Variants in PLCH1 observed in about 807,000 individuals in gnomAD.
PLCH1 encodes the protein 1-phosphatidylinositol 4,5-bisphosphate phosphodiesterase eta-1.
Under a neutral mutation model 126.7 loss-of-function variants are expected in PLCH1, and 60 were observed. The observed-to-expected ratio is 0.47, with a 90% CI of 0.38 to 0.59. PLCH1 has a LOEUF of 0.59. PLCH1 is among the 20% of genes least tolerant of loss of function. The pLI is 0.00. For missense variants in PLCH1, 1,723 were observed against 2,040.0 expected, an observed-to-expected ratio of 0.84 and a Z score of 2.99; for synonymous variants, 719 against 734.9, an observed-to-expected ratio of 0.98 and a Z score of 0.35.
rs143619991 is a variant in PLCH1 at position 155,559,386 on chromosome 3, C to T, written c.1070-5190G>A. On this transcript the variant is annotated intron_variant, in intron 8 of 22. Coordinates refer to ENST00000460012, the MANE Select transcript of PLCH1 (RefSeq NM_014996.4). ...AGGTCCTCTTTTCCTTCCTACAATACATTCAAATCCAAGGTGACAACCACT... is the reference window on the plus strand; with the variant it reads ...AGGTCCTCTTTTCCTTCCTACAATATATTCAAATCCAAGGTGACAACCACT... Among the ~76,000 whole-genome samples, 776 of 152,182 alleles carry T rather than the reference C, an allele frequency of 5.1e-3. 9 individuals are homozygous for T. The highest frequency in any genetic ancestry group is 0.018 in the African/African-American group (741 of 41,526).
At chr3:155,630,594 C>A (rs752332644) in intron 2 of PLCH1, among the ~76,000 whole-genome samples, 3 of 152,194 alleles carry the variant, frequency 2.0e-5, no homozygotes, top group Admixed American at 6.5e-5. Flanking sequence ...CTTCCTTTGG[C>A]ATATACCGTC....
intron 1 of PLCH1, among the ~76,000 whole-genome samples, chr3:155,735,765 A>G (rs1371728038): frequency 6.6e-6 from 1 of 152,226 alleles, no homozygotes; most frequent in East Asian, 1.9e-4. Flanking sequence ...TACATATTTC[A>G]AAACATGTAT....
At chr3:155,485,329 T>G (rs772093034) in intron 22 of PLCH1, 27 bp downstream of exon 22, 9 of 1,472,038 alleles carry the variant, frequency 6.1e-6, no homozygotes, top group African/African-American at 1.4e-5. Flanking sequence ...GAAGGGTTTA[T>G]TCTCAGAGAA....
At chr3:155,476,006 A>G (rs548235498), downstream of PLCH1, among the ~76,000 whole-genome samples, 40 of 152,230 alleles carry the variant, frequency 2.6e-4, no homozygotes, top group African/African-American at 9.1e-4. Flanking sequence ...AAAAAGACAC[A>G]AAAAAAGAAA....
intron 2 of PLCH1, among the ~76,000 whole-genome samples, chr3:155,617,101 T>C (rs1560253868): frequency 6.6e-6 from 1 of 152,188 alleles, no homozygotes; most frequent in Non-Finnish European, 1.5e-5. Context: ...ATTCTGTCAA[T>C]ATATTATCAG....
chr3:155,521,604 G>T (rs2108282007), intron 11 of PLCH1, among the ~76,000 whole-genome samples: 1 of 152,246 alleles, frequency 6.6e-6, no homozygotes, highest in East Asian at 1.9e-4. Flanking sequence ...ACCCTCTTTT[G>T]CAGAAATATG....
At chr3:155,722,947 G>A (rs942396050) in intron 1 of PLCH1, among the ~76,000 whole-genome samples, 1 of 152,100 alleles carries the variant, frequency 6.6e-6, no homozygotes, top group African/African-American at 2.4e-5. Context: ...AATCCATCTG[G>A]TCCTGGACTT....
At chr3:155,698,465 T>C (rs1745997462) in intron 2 of PLCH1, among the ~76,000 whole-genome samples, 1 of 152,198 alleles carries the variant, frequency 6.6e-6, no homozygotes, top group African/African-American at 2.4e-5. Flanking sequence ...CCTGAATGGA[T>C]GGCTATGATT....
chr3:155,496,171 A>T (rs1717001691), intron 15 of PLCH1, among the ~76,000 whole-genome samples: 1 of 152,224 alleles, frequency 6.6e-6, no homozygotes, highest in African/African-American at 2.4e-5. Flanking sequence ...TGGCAAAAAA[A>T]TTAAAAAGAC....
intron 6 of PLCH1, among the ~76,000 whole-genome samples, chr3:155,572,968 G>A (rs771645370): frequency 6.4e-4 from 97 of 151,568 alleles, no homozygotes; most frequent in Admixed American, 3.3e-4. Context: ...GGCTGGTCTC[G>A]AACTCCTGGC....
intron 2 of PLCH1, chr3:155,676,141 A>T (rs1414374249): frequency 7.3e-7 from 1 of 1,368,674 alleles, no homozygotes; most frequent in African/African-American, 1.5e-5. Flanking sequence ...TGGGGGGAAA[A>T]AAGGCAAAGA....
At position 155,683,938 on chromosome 3, in the gene PLCH1, C is replaced by T. The variant is rs148809363; in HGVS notation, c.79+20208G>A. On this transcript the variant is annotated intron_variant, in intron 2 of 22. Coordinates refer to ENST00000460012, the MANE Select transcript of PLCH1 (RefSeq NM_014996.4). ...AAATGTCCAGAATAAATCCTAAGTG[C>T]TTGTATTCTCCAGCACTCCAGCTAA... is the stretch of plus-strand genomic sequence containing the variant. Among the ~76,000 whole-genome samples, 628 of 152,272 alleles carry T rather than the reference C, an allele frequency of 4.1e-3. 2 individuals are homozygous for T. The highest frequency in any genetic ancestry group is 6.4e-3 in the Non-Finnish European group (436 of 68,010).
chr3:155,471,395 C>A (rs574714004), intron 21 of PLCH1, among the ~76,000 whole-genome samples: 1,698 of 151,628 alleles, frequency 0.011, 18 homozygotes, highest in Middle Eastern at 0.044. Flanking sequence ...AATATATATG[C>A]GCCCAATACA....
intron 8 of PLCH1, among the ~76,000 whole-genome samples, chr3:155,555,929 T>C (rs145073255): frequency 1.9e-3 from 290 of 152,292 alleles, no homozygotes; most frequent in African/African-American, 6.8e-3. Context: ...CTGAATGAGA[T>C]AACTACTTAC....
intron 2 of PLCH1, among the ~76,000 whole-genome samples, chr3:155,602,377 A>T (rs1284264104): frequency 6.6e-6 from 1 of 152,192 alleles, no homozygotes; most frequent in Non-Finnish European, 1.5e-5. Flanking sequence ...AGTAGAAAGG[A>T]TAAGAAAGGG....
At chr3:155,665,235 G>C (rs533950545) in intron 2 of PLCH1, among the ~76,000 whole-genome samples, 25 of 152,248 alleles carry the variant, frequency 1.6e-4, no homozygotes, top group African/African-American at 5.8e-4. Flanking sequence ...ACTCAAGCAG[G>C]AACACTTGTA....
At chr3:155,728,639 GACA>G (rs1313168160) in intron 1 of PLCH1, among the ~76,000 whole-genome samples, 3 of 152,112 alleles carry the variant, frequency 2.0e-5, no homozygotes, top group Non-Finnish European at 4.4e-5. Flanking sequence ...GAGAGAGAAA[GACA>G]ACAAGACAGA....
chr3:155,543,214 C>G (rs1179640240), intron 10 of PLCH1, among the ~76,000 whole-genome samples: 1 of 152,108 alleles, frequency 6.6e-6, no homozygotes, highest in African/African-American at 2.4e-5. Flanking sequence ...GAGCTGAAAG[C>G]CAAGGCTCAA....
intron 4 of PLCH1, among the ~76,000 whole-genome samples, chr3:155,587,206 G>A (rs1370138874): frequency 5.9e-5 from 9 of 152,282 alleles, no homozygotes; most frequent in Admixed American, 3.9e-4. Context: ...TTCTGTTTAA[G>A]AATCTCTTTA....
Sources: allele counts gnomAD v4.1 joint callset (sites outside exome capture counted in the v4.1 genomes callset), GRCh38; gene constraint gnomAD v4.1.1; transcripts MANE v1.5; gene names NCBI Gene and HGNC (gene_info 2026-07-23, HGNC 2026-07-21).